MECOM: variants seen among roughly 807,000 people sequenced by gnomAD.
MECOM encodes MDS1 and EVI1 complex locus.
In MECOM, 13 loss-of-function variants were observed where a neutral mutation model predicts 116.3. That is an observed-to-expected ratio of 0.11 (90% confidence interval 0.07 to 0.18). The LOEUF is 0.18. Among genes scored for constraint, MECOM ranks in the 10% least tolerant of loss-of-function variants. MECOM has a pLI of 1.00. For synonymous variants in MECOM, 528 were observed against 535.2 expected (o/e 0.99, Z 0.19); for missense variants, 1,299 against 1,509.0 (o/e 0.86, Z 2.31).
chr3:169,108,503 T>C (rs917753922), intron 9 of MECOM, among the ~76,000 whole-genome samples: 1 of 152,160 alleles, frequency 6.6e-6, no homozygotes, highest in Non-Finnish European at 1.5e-5. Flanking sequence ...ACTAAAAAGA[T>C]CTAGCTCTTA....
At chr3:169,232,933 C>T (rs1319413348) in intron 2 of MECOM, among the ~76,000 whole-genome samples, 1 of 151,992 alleles carries the variant, frequency 6.6e-6, no homozygotes, top group Admixed American at 6.6e-5. Context: ...CCTCTTGTCA[C>T]CTCATGTTCT....
chr3:169,161,949 T>A (rs1742910536), intron 2 of MECOM, among the ~76,000 whole-genome samples: 1 of 152,132 alleles, frequency 6.6e-6, no homozygotes, highest in Non-Finnish European at 1.5e-5. Context: ...AAGCTGCCAT[T>A]TTCCCTGTGA....
chr3:169,300,899 T>C (rs1182453297), intron 2 of MECOM, among the ~76,000 whole-genome samples: 1 of 152,154 alleles, frequency 6.6e-6, no homozygotes, highest in African/African-American at 2.4e-5. Flanking sequence ...CAACACCTTG[T>C]TGGGTTATAT....
chr3:169,553,315 T>G (rs144795901), intron 1 of MECOM, among the ~76,000 whole-genome samples: 1 of 152,122 alleles, frequency 6.6e-6, no homozygotes, highest in African/African-American at 2.4e-5. Flanking sequence ...TCAATAAACA[T>G]GATAATTTCA....
chr3:169,662,143 T>A (rs1776361256), intron 1 of MECOM, among the ~76,000 whole-genome samples: 1 of 152,162 alleles, frequency 6.6e-6, no homozygotes, highest in Admixed American at 6.5e-5. Context: ...CATCCAACAC[T>A]TTTGCTGTAA....
At chr3:169,299,936 T>C (rs912385128) in intron 2 of MECOM, among the ~76,000 whole-genome samples, 11 of 152,224 alleles carry the variant, frequency 7.2e-5, no homozygotes, top group African/African-American at 9.6e-5. Context: ...CTCTTGATTC[T>C]TGATTCCTTC....
chr3:169,385,228 A>G lies in MECOM; in HGVS notation c.38-3704T>C, dbSNP rs1733126382. Among the ~76,000 whole-genome samples, 3 of 152,104 alleles carry G rather than the reference A, an allele frequency of 2.0e-5. No individual in the cohort carries two copies. The South Asian group carries it at 6.2e-4, about 31-fold the overall frequency. On this transcript the variant is annotated intron_variant, in intron 1 of 16. Transcript: ENST00000651503. ...ATGCATAATCTAAGCGAGTGCATTT[A>G]GATTTCAGTTCCTGTGGAGACAAAA...
intron 1 of MECOM, among the ~76,000 whole-genome samples, chr3:169,537,095 G>A (rs1384889095): frequency 5.3e-5 from 8 of 152,092 alleles, no homozygotes; most frequent in Non-Finnish European, 1.2e-4. Flanking sequence ...AATTCCTATG[G>A]GCAGGACATT....
At chr3:169,201,249 T>G (rs370467816) in intron 2 of MECOM, among the ~76,000 whole-genome samples, 2 of 115,842 alleles carry the variant, frequency 1.7e-5, no homozygotes, top group African/African-American at 6.5e-5. Flanking sequence ...ACTATGATTT[T>G]AGACAAGATG....
At chr3:169,618,010 C>T (rs1343400159) in intron 1 of MECOM, among the ~76,000 whole-genome samples, 1 of 152,176 alleles carries the variant, frequency 6.6e-6, no homozygotes, top group Non-Finnish European at 1.5e-5. Context: ...CTTTCTCCTC[C>T]TTCATAGCTC....
At chr3:169,172,053 T>G (rs1340555000) in intron 2 of MECOM, among the ~76,000 whole-genome samples, 1 of 151,886 alleles carries the variant, frequency 6.6e-6, no homozygotes, top group Non-Finnish European at 1.5e-5. Context: ...TAGAAAGAAC[T>G]GAGGAATAAA....
chr3:169,192,576 T>C (rs914991080), intron 2 of MECOM, among the ~76,000 whole-genome samples: 2 of 152,066 alleles, frequency 1.3e-5, no homozygotes, highest in African/African-American at 4.8e-5. Context: ...GTTTTTAAAT[T>C]GCCAACTGCC....
At chr3:169,444,515 A>ACCATGTAAGAAGTGCCTT (rs1744278258) in intron 1 of MECOM, among the ~76,000 whole-genome samples, 1 of 152,010 alleles carries the variant, frequency 6.6e-6, no homozygotes, top group Non-Finnish European at 1.5e-5. Flanking sequence ...TCTTGCTGCC[A>ACCATGTAAGAAGTGCCTT]CCATGTAAGA....
At chr3:169,469,863 A>G (rs1021818967) in intron 1 of MECOM, among the ~76,000 whole-genome samples, 3 of 152,236 alleles carry the variant, frequency 2.0e-5, no homozygotes, top group African/African-American at 7.2e-5. Context: ...CAGGTGCCAT[A>G]AAAGATGGTA....
At chr3:169,171,417 T>C (rs1744383077) in intron 2 of MECOM, among the ~76,000 whole-genome samples, 1 of 152,156 alleles carries the variant, frequency 6.6e-6, no homozygotes, top group Non-Finnish European at 1.5e-5. Flanking sequence ...CTTCATGTCT[T>C]ATCCAGTGAT....
At chr3:169,461,884 T>C (rs545182141) in intron 1 of MECOM, among the ~76,000 whole-genome samples, 4 of 152,296 alleles carry the variant, frequency 2.6e-5, no homozygotes, top group Non-Finnish European at 5.9e-5. Context: ...GGTGAGATGG[T>C]TTCATGCCAT....
At position 169,380,793 on chromosome 3, in the gene MECOM, TTCCTCCAA is replaced by T. The variant is rs1375037370; in HGVS notation, c.375+386_375+393del. Among the ~76,000 whole-genome samples, 9 of 152,262 alleles carry T rather than the reference TTCCTCCAA, an allele frequency of 5.9e-5. No homozygotes were observed. In the South Asian group the frequency reaches 1.5e-3, roughly 25 times the overall value. ...TCACAAAATAGAGAAAACAAATGTT[TTCCTCCAA>T]TCCTCCAACTCCCCACCCCAAAAAA... On this transcript the variant is annotated intron_variant, in intron 2 of 16. Transcript: ENST00000651503.
At chr3:169,649,019 C>T (rs943139004) in intron 1 of MECOM, among the ~76,000 whole-genome samples, 5 of 152,132 alleles carry the variant, frequency 3.3e-5, no homozygotes, top group African/African-American at 1.2e-4. Flanking sequence ...AAACTGTGAG[C>T]ATGGAAGGAG....
At chr3:169,578,398 A>C (rs997502028) in intron 1 of MECOM, among the ~76,000 whole-genome samples, 4 of 152,142 alleles carry the variant, frequency 2.6e-5, no homozygotes, top group African/African-American at 9.7e-5. Flanking sequence ...TTCCTGAAGG[A>C]TATTGCCTAC....
Sources: gnomAD v4.1 joint callset for allele counts (sites outside exome capture counted in the v4.1 genomes callset) on GRCh38, gnomAD v4.1.1 for gene constraint, MANE v1.5 for transcripts, NCBI Gene and HGNC (gene_info 2026-07-23, HGNC 2026-07-21) for gene names.